Variants in PKHD1L1 observed in about 807,000 individuals in gnomAD.
The protein encoded by PKHD1L1 is PKHD1 like 1.
PKHD1L1 carries 434 observed loss-of-function variants against 462.9 expected under a neutral mutation model. That is an observed-to-expected ratio of 0.94 (90% CI 0.87 to 1.02). The LOEUF is 1.02. Among genes scored for constraint, PKHD1L1 ranks in the 50% least tolerant of loss-of-function variants. The pLI, the probability that PKHD1L1 is intolerant of heterozygous loss-of-function variation, is 0.00. For missense variants in PKHD1L1, 5,202 were observed against 5,096.1 expected (o/e 1.02, Z -0.63); for synonymous variants, 1,781 against 1,750.0 (o/e 1.02, Z -0.44).
In PKHD1L1 at chr8:109,466,739, G is replaced by T. The variant is rs1173827898; in HGVS notation, c.8575G>T (p.Glu2859Ter). The T allele has an allele frequency of 6.2e-7, 1 of 1,612,710 alleles. No individual in the cohort carries two copies. The highest frequency in any genetic ancestry group is 8.5e-7 in the Non-Finnish European group (1 of 1,179,410). ...FNQPSPVSLLEKDVVLSDSFG... is the reference protein window; with the variant it reads ...FNQPSPVSLL ...CCAGCCTTCTCCAGTATCTCTGCTT[G>T]AAAAGGATGTGGTTCTTTCAGACTC... is the stretch of plus-strand genomic sequence containing the variant. Residue 2859 changes from glutamate (E) to a stop codon, truncating the protein, a stop_gained, in exon 50 of 78, where the codon GAA becomes TAA. Coordinates refer to ENST00000378402, the MANE Select transcript of PKHD1L1 (RefSeq NM_177531.6). LOFTEE classifies it high-confidence loss of function.
Position 109,429,446 on chromosome 8 carries a change from C to T in PKHD1L1, c.3107C>T (p.Pro1036Leu). The T allele has an allele frequency of 6.2e-7, 1 of 1,607,770 alleles. No homozygotes were observed. Among genetic ancestry groups the T allele is most frequent in the Non-Finnish European group, 8.5e-7 (1 of 1,176,724 alleles). The change falls in exon 26 of 78, where the codon CCC becomes CTC. Residue 1036 changes from proline (P) to leucine (L), a missense_variant. Pro to Leu is a moderately conservative substitution (Grantham distance 98). Around this residue, in one of 3 missense-constraint regions of PKHD1L1, gnomAD observed 4,497 missense variants for 4,336.8 expected, o/e 1.04. Coordinates refer to ENST00000378402, the MANE Select transcript of PKHD1L1 (RefSeq NM_177531.6). Reference protein sequence around the residue: ...QHVLGDLLRTPSQQPQVEVYV... With the variant: ...QHVLGDLLRTLSQQPQVEVYV... ...GTACTTGGAGACCTACTTCGTACAC[C>T]CAGTCAACAGCCACAGGTATTTTTG...
chr8:109,487,742 G>A (rs983165288), intron 59 of PKHD1L1, among the ~76,000 whole-genome samples: 33 of 151,828 alleles, frequency 2.2e-4, no homozygotes, highest in Admixed American at 4.6e-4. Flanking sequence ...TGCCAGACAG[G>A]GTGTCTCAGG....
At chr8:109,388,946 A>G (rs1812571142) in intron 7 of PKHD1L1, 133 bp from the exon 8 acceptor site, 1 of 541,746 alleles carries the variant, frequency 1.8e-6, no homozygotes, top group African/African-American at 2.0e-5. Context: ...TTTATTTTAC[A>G]GAAATTTTGG....
At chr8:109,514,856 C>T (rs1586653560) in intron 71 of PKHD1L1, among the ~76,000 whole-genome samples, 1 of 152,038 alleles carries the variant, frequency 6.6e-6, no homozygotes, top group South Asian at 2.1e-4. Flanking sequence ...TTTCCCTGCT[C>T]CTGATATTGA....
intron 30 of PKHD1L1, among the ~76,000 whole-genome samples, chr8:109,438,032 C>T (rs1815537274): frequency 6.6e-6 from 1 of 152,008 alleles, no homozygotes; most frequent in Admixed American, 6.6e-5. Flanking sequence ...AATCACTTCT[C>T]CAGAGCATCT....
chr8:109,440,700 T>C lies in PKHD1L1; in HGVS notation c.3957-10T>C, dbSNP rs757794043. On this transcript the variant is annotated splice_polypyrimidine_tract_variant and intron_variant, in intron 32 of 77. Transcript: ENST00000378402. ...AGCTCATTGAAAAATCTATTCATTT[T>C]TTTTCTCAGAGACAAATTAAATTCT... 2 of 1,604,076 alleles carry C rather than the reference T, an allele frequency of 1.2e-6. No individual in the cohort carries two copies. Among genetic ancestry groups the C allele is most frequent in the Non-Finnish European group, 1.7e-6 (2 of 1,173,940 alleles).
chr8:109,390,539 G>T, intron 9 of PKHD1L1, 45 bp downstream of exon 9: 2 of 1,090,518 alleles, frequency 1.8e-6, no homozygotes, highest in Non-Finnish European at 1.3e-6. Context: ...GATTCAACAG[G>T]GTAAATAAGA....
intron 56 of PKHD1L1, among the ~76,000 whole-genome samples, chr8:109,482,639 T>A (rs1188882756): frequency 6.8e-6 from 1 of 146,456 alleles, no homozygotes; most frequent in Non-Finnish European, 1.5e-5. Context: ...AAACTCTTTT[T>A]TATAGCCTAT....
chr8:109,494,947 C>T lies in PKHD1L1; in HGVS notation c.10327+1196C>T, dbSNP rs75144243. On this transcript the variant is annotated intron_variant, in intron 63 of 77. Transcript: ENST00000378402. ...GGACTTTCTTTGAGAAATGTATGTC[C>T]CTTCCAGAGTTGATTTTAAAAGAAA... 2.8e-3 allele frequency among the ~76,000 whole-genome samples: 428 copies of T among 151,698 alleles called. 10 individuals carry two copies. The East Asian group carries it at 0.06, about 21-fold the overall frequency.
chr8:109,470,427 A>T, intron 50 of PKHD1L1: 10 of 1,598,488 alleles, frequency 6.3e-6, no homozygotes, highest in Admixed American at 1.7e-5. Context: ...CTGATAAGAA[A>T]GGCAAATCAA....
chr8:109,417,880 A>G (rs1814266501), intron 21 of PKHD1L1, among the ~76,000 whole-genome samples: 1 of 152,192 alleles, frequency 6.6e-6, no homozygotes, highest in South Asian at 2.1e-4. Flanking sequence ...CTGCTTTAAT[A>G]TAGGTCAGAC....
chr8:109,427,046 C>T lies in PKHD1L1; in HGVS notation c.2890C>T (p.Gln964Ter). ...VSAADLQFAL[Q>*]SLEGMGRISV... ...AGCTGCAGATCTGCAGTTTGCACTC[C>T]AGAGTCTGGAGGGAATGGGAAGAAT... The change falls in exon 25 of 78, where the codon CAG becomes TAG. Residue 964 changes from glutamine to a stop codon, truncating the protein, a stop_gained. Coordinates refer to ENST00000378402, the MANE Select transcript of PKHD1L1 (RefSeq NM_177531.6). LOFTEE classifies it high-confidence loss of function. 6.2e-7 allele frequency: 1 copy of T among 1,613,676 alleles called. No individual in the cohort carries two copies. The highest frequency in any genetic ancestry group is 1.1e-5 in the South Asian group (1 of 91,076).
rs577170016 is a variant in PKHD1L1 at position 109,413,766 on chromosome 8, A to T, written c.2360+221A>T. Among the ~76,000 whole-genome samples the T allele has an allele frequency of 6.2e-4, 94 of 152,242 alleles. 1 individual carries two copies. Among genetic ancestry groups the T allele is most frequent in the Middle Eastern group, 3.4e-3 (1 of 294 alleles). ...GAAATCTCTAGATTATGAAAATGAC[A>T]ATTGGTCATGACATAGTCACCCATA... On this transcript the variant is annotated intron_variant, in intron 21 of 77. Transcript: ENST00000378402.
chr8:109,474,005 A>G (rs1817858056), intron 50 of PKHD1L1, among the ~76,000 whole-genome samples: 1 of 152,134 alleles, frequency 6.6e-6, no homozygotes. Flanking sequence ...TTTGCCCTCA[A>G]GGAGAAGAAA....
intron 24 of PKHD1L1, among the ~76,000 whole-genome samples, chr8:109,426,386 T>C (rs13258279): frequency 0.3 from 45,040 of 151,806 alleles, 7,275 homozygotes; most frequent in Admixed American, 0.43. Flanking sequence ...ATTTGATATT[T>C]GTGAATTGAT....
intron 21 of PKHD1L1, among the ~76,000 whole-genome samples, chr8:109,416,460 A>G (rs1032434163): frequency 2.0e-5 from 3 of 152,194 alleles, no homozygotes; most frequent in South Asian, 2.1e-4. Flanking sequence ...AATTCTTCCA[A>G]TCCATGAACA....
chr8:109,491,815 T>C, intron 61 of PKHD1L1, 58 bp from the exon 62 acceptor site: 1 of 1,448,838 alleles, frequency 6.9e-7, no homozygotes, highest in South Asian at 1.3e-5. Flanking sequence ...CTAATAGTCG[T>C]TGCAAATTGA....
rs112853643 is a variant in PKHD1L1 at position 109,416,376 on chromosome 8, A to G, written c.2361-2721A>G. ...GTGGACTTCAAAGAAGAGAGAGAGAAAAATGCCTGAAATCTATACATGCTG... is the reference window on the plus strand; with the variant it reads ...GTGGACTTCAAAGAAGAGAGAGAGAGAAATGCCTGAAATCTATACATGCTG... On this transcript the variant is annotated intron_variant, in intron 21 of 77. Coordinates refer to ENST00000378402, the MANE Select transcript of PKHD1L1 (RefSeq NM_177531.6). Among the ~76,000 whole-genome samples, 980 of 152,324 alleles carry G rather than the reference A, an allele frequency of 6.4e-3. 7 individuals are homozygous for G. The highest frequency in any genetic ancestry group is 0.051 in the Middle Eastern group (15 of 294).
rs1157218239 is a variant in PKHD1L1 at position 109,459,846 on chromosome 8, G to A, written c.7246+10G>A. ...GATGGATTTGACACAGGTAATTTTA[G>A]CAGCTCTCGTGGTTGGTATAATCAT... On this transcript the variant is annotated intron_variant, in intron 47 of 77. Coordinates refer to ENST00000378402, the MANE Select transcript of PKHD1L1 (RefSeq NM_177531.6). 14 of 1,605,144 alleles carry A rather than the reference G, an allele frequency of 8.7e-6. No homozygotes were observed. The highest frequency in any genetic ancestry group is 1.2e-5 in the Non-Finnish European group (14 of 1,175,082).
Sources: gnomAD v4.1 joint callset for allele counts (sites outside exome capture counted in the v4.1 genomes callset) on GRCh38, gnomAD v4.1.1 for gene constraint, gnomAD v4.1.1 regional missense constraint, MANE v1.5 for transcripts, NCBI Gene and HGNC (gene_info 2026-07-23, HGNC 2026-07-21) for gene names.